APOL2: variants seen among roughly 807,000 people sequenced by gnomAD.
APOL2 encodes apolipoprotein L, 2.
APOL2 carries 8 observed loss-of-function variants against 7.1 expected under a neutral mutation model. The ratio of observed to expected loss-of-function variants is 1.12; its 90% confidence interval spans 0.66 to 2.03. APOL2 has a LOEUF of 2.03. APOL2 is among the 30% of genes most tolerant of loss of function. The pLI, the probability that APOL2 is intolerant of heterozygous loss-of-function variation, is 0.00. For synonymous variants in APOL2, 177 were observed against 159.9 expected, an observed-to-expected ratio of 1.11 and a Z score of -0.81; for missense variants, 471 against 415.1, an observed-to-expected ratio of 1.13 and a Z score of -1.17.
In APOL2 at chr22:36,228,005, G is replaced by A. The variant is rs890983499; in HGVS notation, c.413C>T (p.Ala138Val). Reference protein sequence around the residue: ...GILTLLGLGLAPFTEGISFVL... With the variant: ...GILTLLGLGLVPFTEGISFVL... ...AAAACTGATTCCTTCTGTGAAGGGT[G>A]CCAGACCCAGGCCGAGGAGGGTCAG... Residue 138 changes from alanine (A) to valine (V), a missense_variant, in exon 5 of 5, where the codon GCA becomes GTA. Physicochemically the swap from Ala to Val is moderately conservative, Grantham distance 64. Coordinates refer to ENST00000358502, the MANE Select transcript of APOL2 (RefSeq NM_030882.4). 1.9e-6 allele frequency: 3 copies of A among 1,614,214 alleles called. No individual in the cohort carries two copies. Among genetic ancestry groups the A allele is most frequent in the Non-Finnish European group, 2.5e-6 (3 of 1,180,036 alleles).
intron 3 of APOL2, among the ~76,000 whole-genome samples, 182 bp downstream of exon 3, chr22:36,232,971 G>A (rs979926872): frequency 2.0e-5 from 3 of 152,078 alleles, no homozygotes; most frequent in African/African-American, 7.2e-5. Flanking sequence ...GAGAGGTCAG[G>A]ATGCAGATGA....
chr22:36,234,995 C>A (rs2015350419), intron 1 of APOL2, among the ~76,000 whole-genome samples: 1 of 152,096 alleles, frequency 6.6e-6, no homozygotes. Flanking sequence ...ATCAGAGATG[C>A]CAAGAGATGT....
At chr22:36,236,430 T>C (rs1284900990) in intron 1 of APOL2, among the ~76,000 whole-genome samples, 1 of 152,114 alleles carries the variant, frequency 6.6e-6, no homozygotes, top group East Asian at 1.9e-4. Flanking sequence ...ATGGAGGACA[T>C]AAAACTGGTG....
rs771075044 is a variant in APOL2, at chr22:36,237,013, AG to A, written c.-134+2427del. The A allele has an allele frequency of 3.4e-5, 48 of 1,422,174 alleles. 1 individual carries two copies. The South Asian group carries it at 7.1e-4, about 21-fold the overall frequency. The allele number at this position is 1,422,174 out of a possible 1,614,324, so 88.1% of individuals were successfully genotyped here. A position where few individuals can be genotyped will look rare whatever the true frequency, so the allele number is the denominator to read the frequency against. On this transcript the variant is annotated intron_variant, in intron 1 of 4. Coordinates refer to ENST00000358502, the MANE Select transcript of APOL2 (RefSeq NM_030882.4). ...ATGAGCCATGAGAACCAGGAGGACC[AG>A]GAGGGAGAAGAGGAGCAGGAGGGCA...
chr22:36,234,233 T>C (rs1431695509), intron 1 of APOL2: 1 of 152,260 alleles, frequency 6.6e-6, no homozygotes, highest in Non-Finnish European at 1.5e-5. Context: ...AAAGTTTTTA[T>C]ACCTAGAGCC....
intron 1 of APOL2, among the ~76,000 whole-genome samples, chr22:36,235,414 A>G (rs1190526353): frequency 6.6e-6 from 1 of 152,214 alleles, no homozygotes; most frequent in Non-Finnish European, 1.5e-5. Context: ...AGGAGTCCAG[A>G]ACAAACAAGT....
rs1251660686 is a variant in APOL2 at position 36,228,186 on chromosome 22, T to C, written c.232A>G (p.Arg78Gly). The C allele has an allele frequency of 6.2e-7, 1 of 1,614,256 alleles. No individual in the cohort carries two copies. The highest frequency in any genetic ancestry group is 8.5e-7 in the Non-Finnish European group (1 of 1,180,040). Residue 78 changes from arginine (R) to glycine (G), a missense_variant, in exon 5 of 5, where the codon AGG (arginine) becomes GGG (glycine). Arg to Gly is a moderately radical substitution (Grantham distance 125). Transcript: ENST00000358502. Reference sequence around the variant, plus strand: ...GGAAACTCTTTCAAAAACCACTGCCTGTGCTGCTGGTCTTTATCGTGGCGG... The same window carrying C: ...GGAAACTCTTTCAAAAACCACTGCCCGTGCTGCTGGTCTTTATCGTGGCGG... Reference protein sequence around the residue: ...KNRHDKDQQHRQWFLKEFPRL... With the variant: ...KNRHDKDQQHGQWFLKEFPRL...
intron 1 of APOL2, among the ~76,000 whole-genome samples, chr22:36,234,584 T>C: frequency 6.6e-6 from 1 of 152,220 alleles, no homozygotes; most frequent in Non-Finnish European, 1.5e-5. Flanking sequence ...TAGCAAATGT[T>C]AATCATATTA....
At chr22:36,239,527 TA>T, upstream of APOL2, 1 of 1,585,064 alleles carries the variant, frequency 6.3e-7, no homozygotes, top group East Asian at 2.3e-5. Context: ...ATCTGTGTAA[TA>T]ACCAGACACG....
intron 2 of APOL2, 27 bp downstream of exon 2, chr22:36,233,375 T>C (rs1463854322): frequency 6.4e-7 from 1 of 1,556,320 alleles, no homozygotes; most frequent in African/African-American, 1.4e-5. Context: ...CCTGGGGCCC[T>C]GCCAGCTAGT....
intron 1 of APOL2, chr22:36,234,381 G>A (rs1011527611): frequency 1.3e-5 from 2 of 152,164 alleles, no homozygotes; most frequent in African/African-American, 4.8e-5. Flanking sequence ...TTGAGACAAG[G>A]TCTCACTCCT....
Position 36,235,186 on chromosome 22 carries a change from TAC to T in APOL2, c.-133-1733_-133-1732del, listed in dbSNP as rs2015355779. Reference sequence around the variant, plus strand: ...ATGGGATTCATGCCAGCCTTGAGTCTACACCAGTGAAAAAAATCAGAGAGTTC... The same window carrying T: ...ATGGGATTCATGCCAGCCTTGAGTCTACCAGTGAAAAAAATCAGAGAGTTC... On this transcript the variant is annotated intron_variant, in intron 1 of 4. Transcript: ENST00000358502. Among the ~76,000 whole-genome samples, 3 of 152,290 alleles carry T rather than the reference TAC, an allele frequency of 2.0e-5. No individual in the cohort carries two copies. In the South Asian group the frequency reaches 6.2e-4, roughly 32 times the overall value.
At chr22:36,235,500 T>C (rs1041270569) in intron 1 of APOL2, among the ~76,000 whole-genome samples, 1 of 150,894 alleles carries the variant, frequency 6.6e-6, no homozygotes, top group Non-Finnish European at 1.5e-5. Context: ...ACAAGATATA[T>C]AGAAAAGAAG....
In APOL2 at chr22:36,226,882, T is replaced by G. The variant is rs1262796621; in HGVS notation, c.*522A>C. ...TCCTCTCTCCTCCCTTATTGCAGGC[T>G]CCAGTGTTCCTGCCTTCTCCTTGGT... On this transcript the variant is annotated 3_prime_UTR_variant, in exon 5 of 5. Coordinates refer to ENST00000358502, the MANE Select transcript of APOL2 (RefSeq NM_030882.4). 1 of 161,226 alleles carries G rather than the reference T, an allele frequency of 6.2e-6. No individual in the cohort carries two copies. The highest frequency in any genetic ancestry group is 2.4e-5 in the African/African-American group (1 of 41,518). The allele number at this position is 161,226 out of a possible 1,614,324, so 10.0% of individuals were successfully genotyped here. A position where few individuals can be genotyped will look rare whatever the true frequency, so the allele number is the denominator to read the frequency against.
At chr22:36,231,973 C>G (rs895745363) in intron 3 of APOL2, among the ~76,000 whole-genome samples, 1 of 152,202 alleles carries the variant, frequency 6.6e-6, no homozygotes, top group African/African-American at 2.4e-5. Flanking sequence ...TTTGTTTTTT[C>G]TTTGACTCAA....
chr22:36,231,396 T>G lies in APOL2; in HGVS notation c.81A>C (p.Gln27His), dbSNP rs1389378387. 2 of 1,614,106 alleles carry G rather than the reference T, an allele frequency of 1.2e-6. No individual in the cohort carries two copies. Among genetic ancestry groups the G allele is most frequent in the African/African-American group, 2.7e-5 (2 of 74,944 alleles). Residue 27 changes from glutamine (Q) to histidine (H), a missense_variant, in exon 4 of 5, where the codon CAA becomes CAC. Coordinates refer to ENST00000358502, the MANE Select transcript of APOL2 (RefSeq NM_030882.4). Reference protein sequence around the residue: ...QDQVSRENLLQLLTDDEAWNG... With the variant: ...QDQVSRENLLHLLTDDEAWNG... ...TCCAGGCTTCATCATCAGTCAGCAG[T>G]TGTAGCAGATTCTCTCTGCTCACTT...
chr22:36,237,336 T>C (rs1177656292), intron 1 of APOL2: 6 of 1,326,516 alleles, frequency 4.5e-6, no homozygotes, highest in Non-Finnish European at 5.8e-6. Context: ...GCAAAGCATC[T>C]CCCTCCAAGT....
At chr22:36,233,355 G>C (rs756146178) in intron 2 of APOL2, 47 bp downstream of exon 2, 1 of 1,566,644 alleles carries the variant, frequency 6.4e-7, no homozygotes, top group Middle Eastern at 1.7e-4. Flanking sequence ...AATGTCCAGA[G>C]TGTTTATCTC....
Position 36,228,171 on chromosome 22 carries a change from T to G in APOL2, c.247A>C (p.Lys83Gln). Residue 83 changes from lysine (K) to glutamine (Q), a missense_variant, in exon 5 of 5, where the codon AAA becomes CAA. Lys to Gln is a moderately conservative substitution (Grantham distance 53, BLOSUM62 1). Coordinates refer to ENST00000358502, the MANE Select transcript of APOL2 (RefSeq NM_030882.4). Reference protein sequence around the residue: ...KDQQHRQWFLKEFPRLKRELE... With the variant: ...KDQQHRQWFLQEFPRLKRELE... The stretch of plus-strand genomic sequence containing the variant: ...TCCCTTTTCAACCGAGGAAACTCTT[T>G]CAAAAACCACTGCCTGTGCTGCTGG... The G allele has an allele frequency of 6.2e-7, 1 of 1,614,208 alleles. No homozygotes were observed. The highest frequency in any genetic ancestry group is 8.5e-7 in the Non-Finnish European group (1 of 1,180,036).
Sources: allele counts gnomAD v4.1 joint callset (sites outside exome capture counted in the v4.1 genomes callset), GRCh38; gene constraint gnomAD v4.1.1; transcripts MANE v1.5; gene names NCBI Gene and HGNC (gene_info 2026-07-23, HGNC 2026-07-21).